ABTB2: variants seen among roughly 807,000 people sequenced by gnomAD.
ABTB2 encodes ankyrin repeat and BTB domain containing 2.
In ABTB2, 56 loss-of-function variants were observed where a neutral mutation model predicts 104.1. That is an observed-to-expected ratio of 0.54 (90% CI 0.43 to 0.67). The LOEUF is 0.67. ABTB2 is among the 30% of genes least tolerant of loss of function. The pLI is 0.00. For synonymous variants in ABTB2, 606 were observed against 608.2 expected, an observed-to-expected ratio of 1.00 and a Z score of 0.05; for missense variants, 1,279 against 1,407.7, an observed-to-expected ratio of 0.91 and a Z score of 1.46.
chr11:34,351,316 C>T (rs1320792463), intron 1 of ABTB2, among the ~76,000 whole-genome samples: 9 of 152,132 alleles, frequency 5.9e-5, no homozygotes, highest in African/African-American at 1.4e-4. Flanking sequence ...GGCAAGGGGG[C>T]GGTTGGTATT....
chr11:34,246,883 T>A (rs1205193662), intron 1 of ABTB2, among the ~76,000 whole-genome samples: 1 of 149,292 alleles, frequency 6.7e-6, no homozygotes, highest in South Asian at 2.1e-4. Flanking sequence ...GTTTAACTCT[T>A]ATCACCCAGG....
At chr11:34,335,502 A>G in intron 1 of ABTB2, 2 of 937,662 alleles carry the variant, frequency 2.1e-6, no homozygotes, top group Non-Finnish European at 3.5e-6. Flanking sequence ...GCTATTAGCT[A>G]CTTCTGGAAA....
intron 1 of ABTB2, among the ~76,000 whole-genome samples, chr11:34,210,979 C>A (rs1428291165): frequency 6.6e-6 from 1 of 152,130 alleles, no homozygotes; most frequent in Admixed American, 6.5e-5. Flanking sequence ...ATTCTCTGAT[C>A]TGGAATTTTA....
At chr11:34,206,352 C>T (rs1418130932) in intron 1 of ABTB2, among the ~76,000 whole-genome samples, 2 of 152,148 alleles carry the variant, frequency 1.3e-5, no homozygotes, top group Non-Finnish European at 2.9e-5. Context: ...CACTGTACTC[C>T]AGCCTGGCAA....
chr11:34,339,678 T>C (rs747861042), intron 1 of ABTB2, among the ~76,000 whole-genome samples: 37 of 152,248 alleles, frequency 2.4e-4, no homozygotes, highest in Non-Finnish European at 4.3e-4. Context: ...CATTTCTCGG[T>C]GCCATTTGGA....
chr11:34,338,185 A>G (rs1438686915), intron 1 of ABTB2, among the ~76,000 whole-genome samples: 2 of 152,042 alleles, frequency 1.3e-5, no homozygotes, highest in African/African-American at 4.8e-5. Flanking sequence ...GTTCAAGACC[A>G]GCCTGGCCAA....
Position 34,197,385 on chromosome 11 carries a change from T to C in ABTB2, c.1184A>G (p.Gln395Arg), listed in dbSNP as rs1565138267. Residue 395 changes from glutamine (Q) to arginine (R), a missense_variant, in exon 3 of 17, where the codon CAG (glutamine) becomes CGG (arginine). Transcript: ENST00000435224. Reference protein sequence around the residue: ...HTLYYFLRCPQMESMENPNLD... With the variant: ...HTLYYFLRCPRMESMENPNLD... ...GTTGGGGTTCTCCATGGACTCCATC[T>C]GTGGACACCGCAGAAAGTAGTAGAG... 1 of 1,613,904 alleles carries C rather than the reference T, an allele frequency of 6.2e-7. No individual in the cohort carries two copies. Among genetic ancestry groups the C allele is most frequent in the Non-Finnish European group, 8.5e-7 (1 of 1,179,906 alleles).
At chr11:34,315,240 A>G (rs1854911874) in intron 1 of ABTB2, among the ~76,000 whole-genome samples, 1 of 152,210 alleles carries the variant, frequency 6.6e-6, no homozygotes, top group Non-Finnish European at 1.5e-5. Context: ...CCAAATTACC[A>G]CAGAGCAAGT....
At chr11:34,220,114 A>G (rs117316541) in intron 1 of ABTB2, among the ~76,000 whole-genome samples, 134 of 152,374 alleles carry the variant, frequency 8.8e-4, no homozygotes, top group East Asian at 5.8e-3. Flanking sequence ...TTATTGTCCC[A>G]GTAGGACACT....
intron 1 of ABTB2, among the ~76,000 whole-genome samples, chr11:34,346,024 G>A (rs1037372253): frequency 2.0e-4 from 31 of 152,194 alleles, no homozygotes; most frequent in African/African-American, 5.8e-4. Flanking sequence ...CTATGTGACT[G>A]TGAAGTACAT....
At chr11:34,319,321 C>T (rs1325836750) in intron 1 of ABTB2, among the ~76,000 whole-genome samples, 1 of 152,176 alleles carries the variant, frequency 6.6e-6, no homozygotes, top group Non-Finnish European at 1.5e-5. Context: ...AGAAGAGACC[C>T]CAAAGCTTAC....
chr11:34,250,383 T>C (rs1854041026), intron 1 of ABTB2, among the ~76,000 whole-genome samples: 2 of 152,154 alleles, frequency 1.3e-5, no homozygotes, highest in Non-Finnish European at 2.9e-5. Flanking sequence ...GTCTGGCATG[T>C]AGTGCATATG....
intron 1 of ABTB2, among the ~76,000 whole-genome samples, chr11:34,283,976 T>C (rs559233915): frequency 3.9e-5 from 6 of 152,380 alleles, no homozygotes; most frequent in African/African-American, 1.4e-4. Context: ...AGGGCTTCCC[T>C]ACCTGGATTG....
chr11:34,220,568 C>T (rs1361960182), intron 1 of ABTB2, among the ~76,000 whole-genome samples: 3 of 152,178 alleles, frequency 2.0e-5, no homozygotes, highest in East Asian at 1.9e-4. Context: ...GACCCTGCTA[C>T]GGCTGAAGCT....
intron 1 of ABTB2, among the ~76,000 whole-genome samples, chr11:34,305,202 G>A (rs1201518535): frequency 6.6e-6 from 1 of 152,162 alleles, no homozygotes; most frequent in East Asian, 1.9e-4. Context: ...AAAACATTAA[G>A]CTAGGTCTCC....
intron 1 of ABTB2, among the ~76,000 whole-genome samples, chr11:34,241,389 C>G (rs1213120709): frequency 1.3e-5 from 2 of 152,044 alleles, no homozygotes; most frequent in Non-Finnish European, 2.9e-5. Context: ...TCCAAGGGTG[C>G]CCACCTCATC....
At chr11:34,285,473 T>C (rs909260702) in intron 1 of ABTB2, among the ~76,000 whole-genome samples, 4 of 152,148 alleles carry the variant, frequency 2.6e-5, no homozygotes, top group African/African-American at 9.7e-5. Flanking sequence ...CTTGCAGGCC[T>C]TCTTAACCAC....
chr11:34,256,937 C>T (rs746257942), intron 1 of ABTB2, among the ~76,000 whole-genome samples: 3 of 152,216 alleles, frequency 2.0e-5, no homozygotes, highest in Non-Finnish European at 2.9e-5. Context: ...GGCCAGATTT[C>T]TTGAGTTGCT....
intron 1 of ABTB2, among the ~76,000 whole-genome samples, chr11:34,304,860 A>C (rs1019203014): frequency 1.7e-4 from 26 of 152,272 alleles, no homozygotes; most frequent in Admixed American, 2.0e-4. Context: ...ATGGTGTAGG[A>C]GTTTTGGCTG....
Sources: allele counts gnomAD v4.1 joint callset (sites outside exome capture counted in the v4.1 genomes callset), GRCh38; gene constraint gnomAD v4.1.1; transcripts MANE v1.5; gene names NCBI Gene and HGNC (gene_info 2026-07-23, HGNC 2026-07-21).